KCNT2: variants seen among roughly 807,000 people sequenced by gnomAD.
KCNT2 encodes the protein potassium sodium-activated channel subfamily T member 2.
In KCNT2, 67 loss-of-function variants were observed where a neutral mutation model predicts 153.8. That is an observed-to-expected ratio of 0.44 (90% confidence interval 0.36 to 0.53). The LOEUF (loss-of-function observed/expected upper bound fraction) is 0.53. Ranked by LOEUF, KCNT2 falls within the 20% of genes least tolerant of loss-of-function variation. The probability of loss-of-function intolerance (pLI) is 0.00; values close to 1 mark genes in which losing one functional copy is unlikely to be tolerated. For missense variants in KCNT2, 975 were observed against 1,354.8 expected, an observed-to-expected ratio of 0.72 and a Z score of 4.40; for synonymous variants, 500 against 458.8, an observed-to-expected ratio of 1.09 and a Z score of -1.15.
chr1:196,486,052 A>C (rs1679395163), intron 3 of KCNT2, among the ~76,000 whole-genome samples: 1 of 151,972 alleles, frequency 6.6e-6, no homozygotes, highest in Non-Finnish European at 1.5e-5. Context: ...CAGATGCATC[A>C]TCATCAAGTA....
At chr1:196,535,916 G>A (rs1379220038) in intron 1 of KCNT2, among the ~76,000 whole-genome samples, 1 of 152,210 alleles carries the variant, frequency 6.6e-6, no homozygotes, top group Non-Finnish European at 1.5e-5. Context: ...CTCCAAACCT[G>A]CTGAGTCACA....
chr1:196,434,739 A>G (rs1674469124), intron 8 of KCNT2, among the ~76,000 whole-genome samples: 2 of 151,926 alleles, frequency 1.3e-5, no homozygotes, highest in Admixed American at 1.3e-4. Flanking sequence ...ACTTGCTTTG[A>G]CCAATAAATA....
intron 26 of KCNT2, among the ~76,000 whole-genome samples, chr1:196,249,265 C>A (rs762964567): frequency 6.6e-6 from 1 of 152,014 alleles, no homozygotes; most frequent in African/African-American, 2.4e-5. Context: ...TCACTTTCAA[C>A]GACATCATTC....
At chr1:196,351,174 CTTGGTGATGCGGGCTTTTTT>C (rs1487465803) in intron 14 of KCNT2, among the ~76,000 whole-genome samples, 1 of 152,084 alleles carries the variant, frequency 6.6e-6, no homozygotes, top group Non-Finnish European at 1.5e-5. Context: ...TCACAATTGA[CTTGGTGATGCGGGCTTTTTT>C]TTGGTGCCAT....
chr1:196,556,184 A>C (rs10922084), intron 1 of KCNT2, among the ~76,000 whole-genome samples: 45,302 of 151,308 alleles, frequency 0.3, 6,913 homozygotes, highest in Admixed American at 0.38. Context: ...TCTGCTCTGC[A>C]AAAGAAGCAG....
intron 1 of KCNT2, among the ~76,000 whole-genome samples, chr1:196,604,373 C>T (rs1275725093): frequency 6.6e-6 from 1 of 152,132 alleles, no homozygotes; most frequent in East Asian, 1.9e-4. Flanking sequence ...AGCAAACATT[C>T]AAATATTAGC....
intron 8 of KCNT2, among the ~76,000 whole-genome samples, chr1:196,457,144 T>G (rs1676744229): frequency 6.6e-6 from 1 of 151,796 alleles, no homozygotes; most frequent in South Asian, 2.1e-4. Context: ...TAAAACTGAT[T>G]TAAAAGGAGT....
At chr1:196,236,731 C>A (rs968638545) in intron 26 of KCNT2, among the ~76,000 whole-genome samples, 1 of 151,346 alleles carries the variant, frequency 6.6e-6, no homozygotes, top group Admixed American at 6.6e-5. Context: ...AAGCTGAACC[C>A]TTTTAATTTA....
chr1:196,459,745 T>C (rs958833567), intron 8 of KCNT2, among the ~76,000 whole-genome samples: 2 of 151,840 alleles, frequency 1.3e-5, no homozygotes, highest in African/African-American at 4.8e-5. Flanking sequence ...AAGTGAGGGA[T>C]TCCTTCACTT....
At chr1:196,572,655 T>C (rs1660915020) in intron 1 of KCNT2, among the ~76,000 whole-genome samples, 1 of 152,076 alleles carries the variant, frequency 6.6e-6, no homozygotes, top group Non-Finnish European at 1.5e-5. Context: ...GATACTATTA[T>C]TGAAAAGTTG....
chr1:196,319,701 A>T, intron 19 of KCNT2, 146 bp from the exon 20 acceptor site: 2 of 491,130 alleles, frequency 4.1e-6, no homozygotes, highest in Non-Finnish European at 7.4e-6. Flanking sequence ...TTTTCTTAAC[A>T]TTAACTAGAA....
chr1:196,431,258 A>T (rs1049061394), intron 8 of KCNT2, among the ~76,000 whole-genome samples: 1 of 152,154 alleles, frequency 6.6e-6, no homozygotes, highest in Admixed American at 6.6e-5. Context: ...ACAGAAATTG[A>T]CACTGAGAAA....
At chr1:196,263,521 G>T (rs1029043209) in intron 25 of KCNT2, among the ~76,000 whole-genome samples, 1 of 152,016 alleles carries the variant, frequency 6.6e-6, no homozygotes, top group Non-Finnish European at 1.5e-5. Flanking sequence ...AGCATTAGGA[G>T]AAATACCTAA....
At chr1:196,445,599 T>C (rs1014580803) in intron 8 of KCNT2, among the ~76,000 whole-genome samples, 2 of 151,448 alleles carry the variant, frequency 1.3e-5, no homozygotes, top group African/African-American at 4.8e-5. Context: ...AAATATCATG[T>C]TCATCAACAG....
intron 22 of KCNT2, among the ~76,000 whole-genome samples, chr1:196,303,872 G>A (rs1315849940): frequency 2.0e-5 from 3 of 152,114 alleles, no homozygotes; most frequent in East Asian, 3.9e-4. Context: ...ATGCCAGCAC[G>A]GATTCCTGCT....
chr1:196,423,077 G>T lies in KCNT2; in HGVS notation c.1158C>A (p.Ser386Arg). The change falls in exon 12 of 28, where the codon AGC (serine) becomes AGA (arginine). Residue 386 changes from serine to arginine, a missense_variant. This residue lies in a region of KCNT2 where 202 missense variants were observed against 314.9 expected (regional missense o/e 0.64). Coordinates refer to ENST00000294725, the MANE Select transcript of KCNT2 (RefSeq NM_198503.5). Reference sequence around the variant, plus strand: ...ATGATGTCCTATCCACTTCACAACGGCTACTGAGAATAAAACAGGCCTCAG... The same window carrying T: ...ATGATGTCCTATCCACTTCACAACGTCTACTGAGAATAAAACAGGCCTCAG... ...DDAEACFILS[S>R]RCEVDRTSSD... 6.2e-7 allele frequency: 1 copy of T among 1,604,016 alleles called. No homozygotes were observed. The highest frequency in any genetic ancestry group is 1.1e-5 in the South Asian group (1 of 89,840).
chr1:196,525,896 T>C, intron 1 of KCNT2, among the ~76,000 whole-genome samples: 1 of 151,986 alleles, frequency 6.6e-6, no homozygotes, highest in Non-Finnish European at 1.5e-5. Context: ...CAAGGTTATG[T>C]ATTGAACACT....
intron 8 of KCNT2, among the ~76,000 whole-genome samples, chr1:196,453,395 C>T (rs958505386): frequency 2.6e-5 from 4 of 151,846 alleles, no homozygotes; most frequent in African/African-American, 9.7e-5. Flanking sequence ...TGTAAGGCAG[C>T]GCCATGATAC....
At chr1:196,508,189 CAAA>C (rs10539910) in intron 1 of KCNT2, among the ~76,000 whole-genome samples, 127 of 59,984 alleles carry the variant, frequency 2.1e-3, no homozygotes, top group African/African-American at 4.4e-3. Context: ...CCCTAAGTAG[CAAA>C]AAAAAAAAAA....
Sources: allele counts gnomAD v4.1 joint callset (sites outside exome capture counted in the v4.1 genomes callset), GRCh38; gene constraint gnomAD v4.1.1; regional missense constraint gnomAD v4.1.1; transcripts MANE v1.5; gene names NCBI Gene and HGNC (gene_info 2026-07-23, HGNC 2026-07-21).